FOXP2: variants seen among roughly 807,000 people sequenced by gnomAD.
FOXP2 encodes forkhead box P2.
Under a neutral mutation model 115.8 loss-of-function variants are expected in FOXP2, and 12 were observed. The observed-to-expected ratio is 0.10, with a 90% CI of 0.07 to 0.17. The LOEUF (loss-of-function observed/expected upper bound fraction) is 0.17. Ranked by LOEUF, FOXP2 falls within the 10% of genes least tolerant of loss-of-function variation. FOXP2 has a pLI of 1.00. For synonymous variants in FOXP2, 328 were observed against 297.7 expected, an observed-to-expected ratio of 1.10 and a Z score of -1.05; for missense variants, 629 against 843.5, an observed-to-expected ratio of 0.75 and a Z score of 3.15.
intron 1 of FOXP2, among the ~76,000 whole-genome samples, chr7:114,257,943 C>T (rs1426453866): frequency 6.6e-6 from 1 of 152,104 alleles, no homozygotes; most frequent in Non-Finnish European, 1.5e-5. Flanking sequence ...GAAATGAAGC[C>T]AGATAGAGAA....
intron 2 of FOXP2, among the ~76,000 whole-genome samples, chr7:114,483,983 G>A (rs1307620465): frequency 2.0e-5 from 3 of 151,638 alleles, no homozygotes; most frequent in Non-Finnish European, 4.4e-5. Flanking sequence ...ACTCAATTAA[G>A]CTTTAAATGT....
chr7:114,195,320 C>T (rs1793874813), intron 1 of FOXP2, among the ~76,000 whole-genome samples: 2 of 152,136 alleles, frequency 1.3e-5, no homozygotes, highest in South Asian at 4.2e-4. Context: ...TATCTTGCCT[C>T]ATGTTTATCT....
intron 1 of FOXP2, among the ~76,000 whole-genome samples, chr7:114,259,175 G>A (rs947907715): frequency 1.3e-5 from 2 of 152,262 alleles, no homozygotes; most frequent in African/African-American, 2.4e-5. Flanking sequence ...AAGTAGAATA[G>A]CTGGAAGAAT....
At chr7:114,273,491 A>G (rs1402936047) in intron 1 of FOXP2, among the ~76,000 whole-genome samples, 2 of 152,010 alleles carry the variant, frequency 1.3e-5, no homozygotes, top group African/African-American at 2.4e-5. Flanking sequence ...GTATTCAACT[A>G]TGTCTTTACT....
At chr7:114,235,138 GT>G (rs78597671) in intron 1 of FOXP2, among the ~76,000 whole-genome samples, 14 of 149,174 alleles carry the variant, frequency 9.4e-5, no homozygotes, top group African/African-American at 2.9e-4. Flanking sequence ...TCACTCCAAT[GT>G]TTTTTTTTAA....
intron 1 of FOXP2, among the ~76,000 whole-genome samples, chr7:114,140,705 A>G (rs1792183866): frequency 6.6e-6 from 1 of 152,180 alleles, no homozygotes; most frequent in Non-Finnish European, 1.5e-5. Context: ...ATGCCGCCAC[A>G]CACAAAGGAA....
intron 1 of FOXP2, among the ~76,000 whole-genome samples, chr7:114,223,285 T>C (rs1794666703): frequency 6.6e-6 from 1 of 151,968 alleles, no homozygotes; most frequent in Non-Finnish European, 1.5e-5. Context: ...TCCTTTTGTT[T>C]CCCTCAGTCT....
In FOXP2 at chr7:114,511,820, A is replaced by T. The variant is rs1798092587; in HGVS notation, c.169-22797A>T. Among the ~76,000 whole-genome samples, 3 of 152,092 alleles carry T rather than the reference A, an allele frequency of 2.0e-5. No homozygotes were observed. The South Asian group carries it at 6.2e-4, about 31-fold the overall frequency. On this transcript the variant is annotated intron_variant, in intron 2 of 16. Transcript: ENST00000350908. ...TATTCTTTTCTATAAATTTGAGGTT[A>T]TGTTTAATTGCTAAAATTGTATTCT...
intron 1 of FOXP2, among the ~76,000 whole-genome samples, chr7:114,176,800 C>G (rs1247535014): frequency 1.3e-5 from 2 of 151,318 alleles, no homozygotes; most frequent in Non-Finnish European, 2.9e-5. Flanking sequence ...GCTCCAGTAA[C>G]ACATTTGTTT....
intron 1 of FOXP2, among the ~76,000 whole-genome samples, chr7:114,127,879 C>T (rs1254288003): frequency 1.3e-5 from 2 of 151,984 alleles, no homozygotes; most frequent in Non-Finnish European, 1.5e-5. Flanking sequence ...ACTAGCTATA[C>T]GTTTGTAGAC....
intron 6 of FOXP2, among the ~76,000 whole-genome samples, chr7:114,632,620 G>A (rs953558031): frequency 1.3e-5 from 2 of 152,046 alleles, no homozygotes; most frequent in Admixed American, 6.6e-5. Flanking sequence ...TGATTCTAAA[G>A]GACATACTAA....
At chr7:114,225,548 A>G (rs1794725530) in intron 1 of FOXP2, among the ~76,000 whole-genome samples, 1 of 151,852 alleles carries the variant, frequency 6.6e-6, no homozygotes, top group South Asian at 2.1e-4. Context: ...GCTCTCAAGT[A>G]ATTCTCCTGC....
At chr7:114,260,182 C>A (rs1005547267) in intron 1 of FOXP2, among the ~76,000 whole-genome samples, 1 of 149,830 alleles carries the variant, frequency 6.7e-6, no homozygotes, top group Non-Finnish European at 1.5e-5. Flanking sequence ...TGAGCCACTG[C>A]GCCCAGCCTT....
chr7:114,348,972 A>G (rs1261773825), intron 2 of FOXP2, among the ~76,000 whole-genome samples: 2 of 152,084 alleles, frequency 1.3e-5, no homozygotes, highest in African/African-American at 2.4e-5. Flanking sequence ...TTGTGGTAAT[A>G]TAAGGACATA....
At chr7:114,411,208 G>A (rs1257007939), upstream of FOXP2, among the ~76,000 whole-genome samples, 3 of 152,152 alleles carry the variant, frequency 2.0e-5, no homozygotes, top group East Asian at 1.9e-4. Context: ...TCTGGCTTTC[G>A]ATTTTGGATT....
chr7:114,538,547 T>C (rs1208334921), intron 3 of FOXP2, among the ~76,000 whole-genome samples: 1 of 151,714 alleles, frequency 6.6e-6, no homozygotes, highest in Non-Finnish European at 1.5e-5. Flanking sequence ...AATGGAATAG[T>C]AAAAAGCAAA....
At chr7:114,208,831 C>T (rs1463920586) in intron 1 of FOXP2, among the ~76,000 whole-genome samples, 4 of 152,138 alleles carry the variant, frequency 2.6e-5, no homozygotes, top group Non-Finnish European at 5.9e-5. Flanking sequence ...CTCTTTGCCT[C>T]CTGCCATGAT....
chr7:114,601,405 G>A lies in FOXP2; in HGVS notation c.259-27135G>A, dbSNP rs137976750. Reference sequence around the variant, plus strand: ...AACTCAAGGTCACCTAGATTTTCTCGTATGTTAATTTTAGAAGTTTTATAG... The same window carrying A: ...AACTCAAGGTCACCTAGATTTTCTCATATGTTAATTTTAGAAGTTTTATAG... On this transcript the variant is annotated intron_variant, in intron 3 of 16. Transcript: ENST00000350908. 1.0e-3 allele frequency among the ~76,000 whole-genome samples: 153 copies of A among 152,162 alleles called. 1 individual carries two copies. Among genetic ancestry groups the A allele is most frequent in the African/African-American group, 3.2e-3 (134 of 41,520 alleles).
intron 1 of FOXP2, among the ~76,000 whole-genome samples, chr7:114,242,477 C>T (rs892512711): frequency 2.6e-5 from 4 of 151,958 alleles, no homozygotes; most frequent in African/African-American, 9.7e-5. Context: ...TCCCCATAAC[C>T]ATTCTTTTTT....
Sources: gnomAD v4.1 joint callset for allele counts (sites outside exome capture counted in the v4.1 genomes callset) on GRCh38, gnomAD v4.1.1 for gene constraint, MANE v1.5 for transcripts, NCBI Gene and HGNC (gene_info 2026-07-23, HGNC 2026-07-21) for gene names.